The following WASHC4 variants were observed in gnomAD, a reference collection of about 807,000 sequenced individuals.
WASHC4 encodes the protein WASH complex subunit 7.
WASHC4 carries 86 observed loss-of-function variants against 166.6 expected under a neutral mutation model. That is an observed-to-expected ratio of 0.52 (90% CI 0.43 to 0.62). The LOEUF is 0.62. WASHC4 is among the 20% of genes least tolerant of loss of function. The pLI is 0.00. For missense variants in WASHC4, 1,262 were observed against 1,382.4 expected, an observed-to-expected ratio of 0.91 and a Z score of 1.38; for synonymous variants, 446 against 451.6, an observed-to-expected ratio of 0.99 and a Z score of 0.16.
At chr12:105,109,710 C>A (rs189118664) in intron 1 of WASHC4, among the ~76,000 whole-genome samples, 2 of 141,644 alleles carry the variant, frequency 1.4e-5, no homozygotes, top group South Asian at 2.3e-4. Context: ...GCCGTGGCAT[C>A]GCCACGGCTC....
At chr12:105,115,873 G>C in intron 6 of WASHC4, 145 bp downstream of exon 6, 1 of 650,226 alleles carries the variant, frequency 1.5e-6, no homozygotes, top group Non-Finnish European at 2.8e-6. Flanking sequence ...TTATAGTTTA[G>C]GAGATCATAA....
intron 29 of WASHC4, among the ~76,000 whole-genome samples, chr12:105,162,256 TAAG>T (rs1187722301): frequency 1.3e-5 from 2 of 152,220 alleles, no homozygotes; most frequent in Admixed American, 6.5e-5. Flanking sequence ...GATTCACACT[TAAG>T]AACATGAAAA....
chr12:105,118,676 G>A (rs138398093), intron 7 of WASHC4, 148 bp downstream of exon 7: 31 of 682,148 alleles, frequency 4.5e-5, no homozygotes, highest in Non-Finnish European at 7.5e-5. Flanking sequence ...TGTATCATAC[G>A]TAGGTTAGTA....
At chr12:105,115,565 G>A in intron 5 of WASHC4, 96 bp from the exon 6 acceptor site, 1 of 842,462 alleles carries the variant, frequency 1.2e-6, no homozygotes, top group Non-Finnish European at 2.0e-6. Context: ...AGTAAAAGAT[G>A]TCCTAATGAA....
intron 19 of WASHC4, among the ~76,000 whole-genome samples, chr12:105,142,882 T>C (rs1882983930): frequency 6.6e-6 from 1 of 152,100 alleles, no homozygotes; most frequent in South Asian, 2.1e-4. Context: ...TATTTTTCTT[T>C]ATGGAAATAA....
chr12:105,122,121 A>G lies in WASHC4; in HGVS notation c.669A>G (p.Leu223=). 3.1e-6 allele frequency: 5 copies of G among 1,593,734 alleles called. No individual in the cohort carries two copies. Among genetic ancestry groups the G allele is most frequent in the Non-Finnish European group, 4.3e-6 (5 of 1,162,454 alleles). ...LKDHWTMYKR[L]LKSVHHNPSK... ...GTTTCTCTTAATTTTCCTCAAGGTT[A>G]CTGAAATCTGTCCATCACAATCCTT... Residue 223 remains leucine (L), a synonymous_variant, in exon 10 of 33, where the codon TTA becomes TTG. Coordinates refer to ENST00000332180, the MANE Select transcript of WASHC4 (RefSeq NM_015275.3).
At chr12:105,158,939 A>G (rs1884328460) in intron 28 of WASHC4, among the ~76,000 whole-genome samples, 1 of 152,192 alleles carries the variant, frequency 6.6e-6, no homozygotes, top group African/African-American at 2.4e-5. Context: ...TAGGCTTGAA[A>G]TCTTAAAAAA....
At chr12:105,139,413 A>ATGTGTGTG (rs1374833618) in intron 15 of WASHC4, among the ~76,000 whole-genome samples, 135 of 69,290 alleles carry the variant, frequency 1.9e-3, no homozygotes, top group African/African-American at 9.3e-3. Flanking sequence ...CAGACTATAT[A>ATGTGTGTG]TATGTGTGTG....
chr12:105,129,735 A>G (rs1351382890), intron 13 of WASHC4, among the ~76,000 whole-genome samples: 4 of 152,108 alleles, frequency 2.6e-5, no homozygotes, highest in Non-Finnish European at 5.9e-5. Flanking sequence ...TATTTGAGGG[A>G]CATTCAGAAT....
In WASHC4 at chr12:105,111,242, A is replaced by C; in HGVS notation, c.179A>C (p.Asn60Thr). ...DDSIGDVWDF[N>T]LDPIALKLLP... ...TCAATTGGAGATGTTTGGGATTTCA[A>C]TCTTGATCCTATAGCATTAAAGGTT... Residue 60 changes from asparagine (N) to threonine (T), a missense_variant, in exon 2 of 33, where the codon AAT becomes ACT. Coordinates refer to ENST00000332180, the MANE Select transcript of WASHC4 (RefSeq NM_015275.3). 6.2e-7 allele frequency: 1 copy of C among 1,609,668 alleles called. No homozygotes were observed. Among genetic ancestry groups the C allele is most frequent in the Non-Finnish European group, 8.5e-7 (1 of 1,176,688 alleles).
chr12:105,160,226 C>T (rs548853433), intron 29 of WASHC4, 78 bp downstream of exon 29: 54 of 1,165,764 alleles, frequency 4.6e-5, no homozygotes, highest in East Asian at 1.9e-4. Flanking sequence ...CTTTGTAACA[C>T]GAAATGCATA....
In WASHC4 at chr12:105,167,371, C is replaced by A; in HGVS notation, c.*440C>A. 5.9e-6 allele frequency: 1 copy of A among 169,328 alleles called. No homozygotes were observed. Among genetic ancestry groups the A allele is most frequent in the Non-Finnish European group, 1.3e-5 (1 of 77,290 alleles). 10.5% of individuals were successfully genotyped at this position (169,328 alleles called of 1,614,324 possible). On this transcript the variant is annotated 3_prime_UTR_variant, in exon 33 of 33. Coordinates refer to ENST00000332180, the MANE Select transcript of WASHC4 (RefSeq NM_015275.3). ...TAACAAAAGGAATGAGCCTGAAGTT[C>A]ATAAAGAATACATATCAATATTCTT...
Position 105,167,094 on chromosome 12 carries a change from T to G in WASHC4, c.*163T>G, listed in dbSNP as rs1884854185. On this transcript the variant is annotated 3_prime_UTR_variant, in exon 33 of 33. Coordinates refer to ENST00000332180, the MANE Select transcript of WASHC4 (RefSeq NM_015275.3). ...TGCTTTAAAGTGAAGTTCATTCTGTTTCCAAAGGCTCTACTTTCAAAGGTT... is the reference window on the plus strand; with the variant it reads ...TGCTTTAAAGTGAAGTTCATTCTGTGTCCAAAGGCTCTACTTTCAAAGGTT... 1 of 611,466 alleles carries G rather than the reference T, an allele frequency of 1.6e-6. No homozygotes were observed. Among genetic ancestry groups the G allele is most frequent in the African/African-American group, 1.8e-5 (1 of 54,290 alleles). 37.9% of individuals were successfully genotyped at this position (611,466 alleles called of 1,614,324 possible).
intron 2 of WASHC4, among the ~76,000 whole-genome samples, chr12:105,113,563 A>G (rs1214576751): frequency 8.5e-5 from 13 of 152,080 alleles, no homozygotes; most frequent in African/African-American, 3.1e-4. Context: ...CCACAAACTC[A>G]GATAAAACCT....
In WASHC4 at chr12:105,144,783, G is replaced by A. The variant is rs910012209; in HGVS notation, c.2245G>A (p.Ala749Thr). The A allele has an allele frequency of 3.7e-6, 6 of 1,612,502 alleles. No homozygotes were observed. In the African/African-American group the frequency reaches 8.0e-5, roughly 22 times the overall value. The change falls in exon 22 of 33, where the codon GCC (alanine) becomes ACC (threonine). Residue 749 changes from alanine (A) to threonine (T), a missense_variant. Ala to Thr is a moderately conservative substitution (Grantham distance 58). Transcript: ENST00000332180. The part of the protein sequence containing the change: ...NLTTVALHDW[A>T]TYSEMRNLAT... The stretch of plus-strand genomic sequence containing the variant: ...AACAACTGTAGCCCTTCATGACTGG[G>A]CCACTTATAGTGAGATGAGAAACTT...
intron 6 of WASHC4, among the ~76,000 whole-genome samples, chr12:105,116,904 G>A (rs1880235808): frequency 6.6e-6 from 1 of 152,146 alleles, no homozygotes; most frequent in Non-Finnish European, 1.5e-5. Context: ...GCTTGGAGAA[G>A]AAGCCCCATG....
At chr12:105,134,168 T>A (rs1308190947) in intron 14 of WASHC4, among the ~76,000 whole-genome samples, 3 of 152,170 alleles carry the variant, frequency 2.0e-5, no homozygotes, top group Non-Finnish European at 2.9e-5. Flanking sequence ...ATTTAAATTT[T>A]TATTATAACT....
Position 105,140,363 on chromosome 12 carries a change from C to G in WASHC4, c.1522C>G (p.Leu508Val), listed in dbSNP as rs201542881. The change falls in exon 16 of 33, where the codon CTT (leucine) becomes GTT (valine). Residue 508 changes from leucine (L) to valine (V), a missense_variant. Physicochemically the swap from Leu to Val is conservative, Grantham distance 32. Coordinates refer to ENST00000332180, the MANE Select transcript of WASHC4 (RefSeq NM_015275.3). ...ADSVSHITQH[L>V]QHQALHSISV... The stretch of plus-strand genomic sequence containing the variant: ...TTCAGTTTCACATATAACACAGCAC[C>G]TTCAACATCAGGCTCTTCATTCTAT... 6.2e-7 allele frequency: 1 copy of G among 1,613,570 alleles called. No homozygotes were observed.
At chr12:105,149,531 T>A in intron 24 of WASHC4, 84 bp from the exon 25 acceptor site, 2 of 1,103,076 alleles carry the variant, frequency 1.8e-6, no homozygotes, top group Non-Finnish European at 2.6e-6. Flanking sequence ...AATAGATAAC[T>A]GTGATACAGT....
Sources: allele counts gnomAD v4.1 joint callset (sites outside exome capture counted in the v4.1 genomes callset), GRCh38; gene constraint gnomAD v4.1.1; transcripts MANE v1.5; gene names NCBI Gene and HGNC (gene_info 2026-07-23, HGNC 2026-07-21).